MBD5: variants seen among roughly 807,000 people sequenced by gnomAD.
MBD5 encodes the protein methyl-CpG-binding domain protein 5.
A neutral mutation model predicts 117.3 loss-of-function variants in MBD5; 13 were observed. The observed-to-expected ratio is 0.11, with a 90% confidence interval of 0.07 to 0.18. MBD5 has a LOEUF of 0.18. Among genes scored for constraint, MBD5 ranks in the 10% least tolerant of loss-of-function variants. MBD5 has a pLI of 1.00. For missense variants in MBD5, 1,879 were observed against 2,093.8 expected (o/e 0.90, Z 2.00); for synonymous variants, 727 against 766.4 (o/e 0.95, Z 0.85).
chr2:148,076,192 GT>G (rs1342556230), intron 1 of MBD5, among the ~76,000 whole-genome samples: 3 of 151,884 alleles, frequency 2.0e-5, no homozygotes, highest in African/African-American at 7.3e-5. Context: ...TGTTGTTGTT[GT>G]TGTTGTTTTC....
chr2:148,225,655 T>C (rs1161501311), intron 2 of MBD5, among the ~76,000 whole-genome samples: 2 of 152,186 alleles, frequency 1.3e-5, no homozygotes, highest in Non-Finnish European at 2.9e-5. Context: ...GTTGATAAAA[T>C]CCCTAAGCTT....
intron 1 of MBD5, among the ~76,000 whole-genome samples, chr2:148,166,989 C>T (rs1262439832): frequency 6.6e-6 from 1 of 151,942 alleles, no homozygotes; most frequent in Non-Finnish European, 1.5e-5. Context: ...TTTAAAGTCA[C>T]ATAGGCTGAA....
chr2:148,128,170 T>C (rs1696948084), intron 1 of MBD5, among the ~76,000 whole-genome samples: 1 of 152,216 alleles, frequency 6.6e-6, no homozygotes, highest in African/African-American at 2.4e-5. Flanking sequence ...TTTCTCCCAT[T>C]CTGTACGTTG....
At chr2:148,198,032 C>G (rs1160400929) in intron 2 of MBD5, among the ~76,000 whole-genome samples, 1 of 151,954 alleles carries the variant, frequency 6.6e-6, no homozygotes, top group Non-Finnish European at 1.5e-5. Context: ...CCAGGCTGGT[C>G]TCAAACTCCT....
chr2:148,231,861 A>G (rs1294035478), intron 2 of MBD5, among the ~76,000 whole-genome samples: 2 of 152,180 alleles, frequency 1.3e-5, no homozygotes, highest in African/African-American at 4.8e-5. Flanking sequence ...GCTACATAAT[A>G]TCTAGGAATT....
At chr2:148,397,369 G>A (rs1011579198) in intron 4 of MBD5, among the ~76,000 whole-genome samples, 20 of 124,222 alleles carry the variant, frequency 1.6e-4, no homozygotes, top group Admixed American at 8.2e-4. Context: ...TCGCTGTCTC[G>A]CCCAGGCTAG....
At chr2:148,069,645 C>G (rs186129965) in intron 1 of MBD5, among the ~76,000 whole-genome samples, 33 of 151,066 alleles carry the variant, frequency 2.2e-4, no homozygotes, top group African/African-American at 7.7e-4. Context: ...CCACTTTTCC[C>G]TGACCTTTTT....
intron 1 of MBD5, among the ~76,000 whole-genome samples, chr2:148,150,786 C>T (rs148349124): frequency 6.6e-6 from 1 of 151,864 alleles, no homozygotes; most frequent in South Asian, 2.1e-4. Flanking sequence ...TTTCTACATT[C>T]ATTTTGTATC....
At chr2:148,224,343 A>G (rs1032602985) in intron 2 of MBD5, among the ~76,000 whole-genome samples, 22 of 151,304 alleles carry the variant, frequency 1.5e-4, no homozygotes, top group African/African-American at 5.1e-4. Flanking sequence ...GCTTTATTTT[A>G]TTTATTTATT....
At chr2:148,310,502 AT>A (rs1359532381) in intron 3 of MBD5, among the ~76,000 whole-genome samples, 3 of 151,874 alleles carry the variant, frequency 2.0e-5, no homozygotes, top group African/African-American at 7.3e-5. Flanking sequence ...CCCCATTATC[AT>A]TTTTTATTGT....
At chr2:148,351,817 T>C (rs1703256413) in intron 4 of MBD5, among the ~76,000 whole-genome samples, 1 of 152,054 alleles carries the variant, frequency 6.6e-6, no homozygotes, top group African/African-American at 2.4e-5. Flanking sequence ...TTGGGGTGTT[T>C]ATTGCTGCTT....
intron 4 of MBD5, among the ~76,000 whole-genome samples, chr2:148,389,251 C>CATATATATATATATAT (rs70995314): frequency 3.1e-5 from 1 of 32,390 alleles, no homozygotes; most frequent in Non-Finnish European, 6.7e-5. Flanking sequence ...GAAAAAAAAA[C>CATATATATATATATAT]ATATATATAT....
chr2:148,321,608 A>C (rs985801007), intron 3 of MBD5, among the ~76,000 whole-genome samples: 1 of 152,212 alleles, frequency 6.6e-6, no homozygotes, highest in Non-Finnish European at 1.5e-5. Context: ...ACATCTATCA[A>C]TCAATCACAA....
intron 11 of MBD5, among the ~76,000 whole-genome samples, chr2:148,499,768 G>C (rs1681815939): frequency 6.6e-6 from 1 of 152,102 alleles, no homozygotes. Flanking sequence ...TATTTAACTA[G>C]AAATTGAATT....
chr2:148,221,397 C>T (rs965988006), intron 2 of MBD5, among the ~76,000 whole-genome samples: 10 of 151,948 alleles, frequency 6.6e-5, no homozygotes, highest in Non-Finnish European at 1.0e-4. Context: ...ACTGGGGTTC[C>T]GTTTTTTCCA....
intron 3 of MBD5, among the ~76,000 whole-genome samples, chr2:148,281,800 G>A (rs2106385170): frequency 6.6e-6 from 1 of 152,082 alleles, no homozygotes; most frequent in East Asian, 1.9e-4. Context: ...TTTATATAAT[G>A]GTTTATCCCC....
At chr2:148,428,768 G>T (rs1347797560) in intron 4 of MBD5, among the ~76,000 whole-genome samples, 1 of 152,126 alleles carries the variant, frequency 6.6e-6, no homozygotes, top group Admixed American at 6.6e-5. Context: ...TTAATAAATG[G>T]TGTTGGGAAA....
At chr2:148,099,255 A>G (rs936071861) in intron 1 of MBD5, among the ~76,000 whole-genome samples, 14 of 152,218 alleles carry the variant, frequency 9.2e-5, no homozygotes, top group Non-Finnish European at 1.9e-4. Flanking sequence ...AAAACTTACA[A>G]GAATTAGAGA....
At chr2:148,316,106 G>T (rs548896080) in intron 3 of MBD5, among the ~76,000 whole-genome samples, 2 of 152,230 alleles carry the variant, frequency 1.3e-5, no homozygotes, top group South Asian at 2.1e-4. Context: ...GATCTCATGA[G>T]AACTCACTTC....
Sources: gnomAD v4.1 joint callset for allele counts (sites outside exome capture counted in the v4.1 genomes callset) on GRCh38, gnomAD v4.1.1 for gene constraint, MANE v1.5 for transcripts, NCBI Gene and HGNC (gene_info 2026-07-23, HGNC 2026-07-21) for gene names.